The following CRISPLD2 variants were observed in gnomAD, a reference collection of about 807,000 sequenced individuals.
CRISPLD2 encodes the protein cysteine rich secretory protein LCCL domain containing 2.
Under a neutral mutation model 71.1 loss-of-function variants are expected in CRISPLD2, and 47 were observed. The ratio of observed to expected loss-of-function variants is 0.66; its 90% CI spans 0.52 to 0.84. The LOEUF (loss-of-function observed/expected upper bound fraction) is 0.84. CRISPLD2 is among the 40% of genes least tolerant of loss of function. CRISPLD2 has a pLI of 0.00. For synonymous variants in CRISPLD2, 317 were observed against 250.1 expected (o/e 1.27, Z -2.52); for missense variants, 830 against 651.1 (o/e 1.27, Z -2.99).
intron 6 of CRISPLD2, 151 bp from the exon 7 acceptor site, chr16:84,866,746 C>G: frequency 1.4e-6 from 1 of 740,220 alleles, no homozygotes. Context: ...CAGGTCTGTT[C>G]TGAAATGTAA....
intron 14 of CRISPLD2, among the ~76,000 whole-genome samples, chr16:84,900,057 C>T (rs975584432): frequency 2.6e-5 from 4 of 152,054 alleles, no homozygotes; most frequent in Non-Finnish European, 5.9e-5. Flanking sequence ...CCAGCAGGGC[C>T]GCCAGGGTCA....
intron 5 of CRISPLD2, among the ~76,000 whole-genome samples, chr16:84,852,108 A>G (rs1031032806): frequency 9.2e-5 from 14 of 152,192 alleles, no homozygotes; most frequent in African/African-American, 2.9e-4. Flanking sequence ...AACGGCCACT[A>G]TCTTACATGG....
chr16:84,852,228 G>C (rs1395265373), intron 5 of CRISPLD2, among the ~76,000 whole-genome samples: 1 of 152,222 alleles, frequency 6.6e-6, no homozygotes, highest in Non-Finnish European at 1.5e-5. Context: ...GTCACATTGT[G>C]GGTGAGGGTT....
intron 12 of CRISPLD2, among the ~76,000 whole-genome samples, chr16:84,879,245 C>T (rs1218288513): frequency 6.6e-6 from 1 of 152,112 alleles, no homozygotes; most frequent in Admixed American, 6.5e-5. Context: ...GAAAGAATTT[C>T]AGAAAATACA....
intron 1 of CRISPLD2, among the ~76,000 whole-genome samples, chr16:84,833,284 C>T (rs888081995): frequency 6.6e-6 from 1 of 152,170 alleles, no homozygotes; most frequent in African/African-American, 2.4e-5. Context: ...CCCTCCCAGC[C>T]TCTGCTGTGT....
rs576068459 is a variant in CRISPLD2 at position 84,853,231 on chromosome 16, G to T, written c.609-1498G>T. Among the ~76,000 whole-genome samples the T allele has an allele frequency of 2.0e-5, 3 of 152,264 alleles. No homozygotes were observed. In the South Asian group the frequency reaches 6.2e-4, roughly 32 times the overall value. On this transcript the variant is annotated intron_variant, in intron 5 of 14. Transcript: ENST00000262424. The stretch of plus-strand genomic sequence containing the variant: ...GGAAACTTGGCAGGGGCAGTGGGAC[G>T]TACCCACGACAGGGCCACGATCATC...
chr16:84,872,753 G>A (rs966296165), intron 9 of CRISPLD2, among the ~76,000 whole-genome samples: 1 of 152,208 alleles, frequency 6.6e-6, no homozygotes, highest in Non-Finnish European at 1.5e-5. Flanking sequence ...ACCGAGCAGG[G>A]AGAAAGGGAT....
At chr16:84,873,657 T>G (rs968560085) in intron 10 of CRISPLD2, 7 of 377,298 alleles carry the variant, frequency 1.9e-5, no homozygotes. Flanking sequence ...TTAGATTAAA[T>G]TTATCTTATA....
intron 14 of CRISPLD2, among the ~76,000 whole-genome samples, chr16:84,894,688 A>G (rs2071690935): frequency 6.6e-6 from 1 of 152,204 alleles, no homozygotes; most frequent in African/African-American, 2.4e-5. Context: ...ATATATCCAT[A>G]TTATTTCAGT....
intron 13 of CRISPLD2, among the ~76,000 whole-genome samples, chr16:84,881,962 C>G (rs2071572228): frequency 6.6e-6 from 1 of 152,122 alleles, no homozygotes; most frequent in Non-Finnish European, 1.5e-5. Flanking sequence ...CATCTTTTTT[C>G]TTTCCTCTTT....
At chr16:84,858,969 C>T (rs1917313269) in intron 6 of CRISPLD2, among the ~76,000 whole-genome samples, 1 of 152,190 alleles carries the variant, frequency 6.6e-6, no homozygotes, top group Non-Finnish European at 1.5e-5. Context: ...CTGCACAGGC[C>T]AAATGGGAGA....
At chr16:84,889,943 G>A (rs777488081) in intron 14 of CRISPLD2, among the ~76,000 whole-genome samples, 8 of 152,140 alleles carry the variant, frequency 5.3e-5, no homozygotes, top group Non-Finnish European at 1.0e-4. Flanking sequence ...TTGTGACCCC[G>A]AGTAAGCCAC....
chr16:84,849,189 C>G (rs562485461), intron 3 of CRISPLD2, 196 bp from the exon 4 acceptor site: 62 of 571,980 alleles, frequency 1.1e-4, no homozygotes, highest in African/African-American at 5.2e-4. Context: ...CCTCGCTGCC[C>G]GTGGCTGCTC....
intron 11 of CRISPLD2, among the ~76,000 whole-genome samples, chr16:84,876,239 C>T (rs901128671): frequency 6.6e-6 from 1 of 152,238 alleles, no homozygotes; most frequent in Non-Finnish European, 1.5e-5. Flanking sequence ...CGGTGGCTCA[C>T]GCCTATAATC....
rs550635181 is a variant in CRISPLD2, at chr16:84,838,949, C to T, written c.240+214C>T. 29 of 717,754 alleles carry T rather than the reference C, an allele frequency of 4.0e-5. No homozygotes were observed. In the African/African-American group the frequency reaches 4.7e-4, roughly 12 times the overall value. The allele number at this position is 717,754 out of a possible 1,614,324, so 44.5% of individuals were successfully genotyped here. A position where few individuals can be genotyped will look rare whatever the true frequency, so the allele number is the denominator to read the frequency against. ...TGCCACTGACGCTGGAGTGCAATGG[C>T]ACAATCGTCATGCCCTGAAACCTTA... On this transcript the variant is annotated intron_variant, in intron 2 of 14. Coordinates refer to ENST00000262424, the MANE Select transcript of CRISPLD2 (RefSeq NM_031476.4).
rs187539332 is a variant in CRISPLD2 at position 84,827,952 on chromosome 16, C to T, written c.-75+7819C>T. Among the ~76,000 whole-genome samples the T allele has an allele frequency of 2.8e-3, 420 of 152,284 alleles. 2 individuals carry two copies. The highest frequency in any genetic ancestry group is 4.9e-3 in the Non-Finnish European group (332 of 68,022). ...TCTGCCCCCCTCCTCTGTTCATCTTCGCCATCCGTGTGTCCGGGATGTCCT... is the reference window on the plus strand; with the variant it reads ...TCTGCCCCCCTCCTCTGTTCATCTTTGCCATCCGTGTGTCCGGGATGTCCT... On this transcript the variant is annotated intron_variant, in intron 1 of 14. Transcript: ENST00000262424.
At chr16:84,853,855 G>A (rs1917157912) in intron 5 of CRISPLD2, among the ~76,000 whole-genome samples, 1 of 152,248 alleles carries the variant, frequency 6.6e-6, no homozygotes, top group African/African-American at 2.4e-5. Flanking sequence ...ACCGAGGCTG[G>A]GGCTGGAGGA....
chr16:84,857,967 CA>C (rs1917286413), intron 6 of CRISPLD2, among the ~76,000 whole-genome samples: 1 of 152,204 alleles, frequency 6.6e-6, no homozygotes, highest in Admixed American at 6.5e-5. Flanking sequence ...TCATGATGGG[CA>C]GTTCAGGTCA....
At chr16:84,889,771 T>TGC (rs2071645522) in intron 14 of CRISPLD2, among the ~76,000 whole-genome samples, 1 of 149,608 alleles carries the variant, frequency 6.7e-6, no homozygotes, top group African/African-American at 2.5e-5. Flanking sequence ...TGTGTGTGTG[T>TGC]GTGTGTGTGT....
Sources: gnomAD v4.1 joint callset for allele counts (sites outside exome capture counted in the v4.1 genomes callset) on GRCh38, gnomAD v4.1.1 for gene constraint, MANE v1.5 for transcripts, NCBI Gene and HGNC (gene_info 2026-07-23, HGNC 2026-07-21) for gene names.